The following RGS7 variants were observed in gnomAD, a reference collection of about 807,000 sequenced individuals.
RGS7 encodes the protein regulator of G protein signaling 7, also known as regulator of G-protein signaling 7.
Under a neutral mutation model 81.1 loss-of-function variants are expected in RGS7, and 27 were observed. The observed-to-expected ratio is 0.33, with a 90% confidence interval of 0.25 to 0.46. The LOEUF is 0.46. Ranked by LOEUF, RGS7 falls within the 20% of genes least tolerant of loss-of-function variation. The pLI is 1.00. For synonymous variants in RGS7, 208 were observed against 207.7 expected (o/e 1.00, Z -0.01); for missense variants, 396 against 607.4 (o/e 0.65, Z 3.66).
chr1:241,068,322 C>T (rs941365421), intron 3 of RGS7, among the ~76,000 whole-genome samples: 1 of 148,592 alleles, frequency 6.7e-6, no homozygotes, highest in Admixed American at 6.8e-5. Context: ...TTTAGTTGCA[C>T]TAAATAATCA....
At chr1:241,294,370 A>C (rs2079268049) in intron 2 of RGS7, among the ~76,000 whole-genome samples, 2 of 152,182 alleles carry the variant, frequency 1.3e-5, no homozygotes, top group Non-Finnish European at 2.9e-5. Context: ...GCAAACCACC[A>C]TGGCACATGT....
At chr1:241,184,770 A>C (rs1288345880) in intron 2 of RGS7, among the ~76,000 whole-genome samples, 1 of 152,228 alleles carries the variant, frequency 6.6e-6, no homozygotes, top group Non-Finnish European at 1.5e-5. Context: ...TCCAAAAAAA[A>C]ACCCCGAATT....
intron 6 of RGS7, among the ~76,000 whole-genome samples, chr1:240,903,958 CT>C (rs975812913): frequency 9.8e-5 from 15 of 152,320 alleles, no homozygotes; most frequent in African/African-American, 3.1e-4. Context: ...CTTGTACAGT[CT>C]GCAGAACTGT....
chr1:240,909,512 T>C (rs1009211170), intron 6 of RGS7, among the ~76,000 whole-genome samples: 4 of 152,182 alleles, frequency 2.6e-5, no homozygotes, highest in African/African-American at 7.2e-5. Context: ...TGGAATCTTT[T>C]ACCCTACCTA....
chr1:240,940,100 A>C (rs1241017700), intron 4 of RGS7, among the ~76,000 whole-genome samples: 1 of 152,012 alleles, frequency 6.6e-6, no homozygotes, highest in African/African-American at 2.4e-5. Context: ...ATTAAATTAA[A>C]TTAAGAAATA....
At chr1:240,990,495 C>T (rs1475001265) in intron 3 of RGS7, among the ~76,000 whole-genome samples, 1 of 152,162 alleles carries the variant, frequency 6.6e-6, no homozygotes, top group Non-Finnish European at 1.5e-5. Context: ...AAAACAGCTA[C>T]TCAAAGAAAC....
At chr1:240,879,703 A>G (rs1666061446) in intron 6 of RGS7, among the ~76,000 whole-genome samples, 1 of 152,310 alleles carries the variant, frequency 6.6e-6, no homozygotes, top group East Asian at 1.9e-4. Context: ...TTGAATTTTA[A>G]TCTCAGAAAC....
At chr1:240,841,503 G>C (rs1191302295) in intron 9 of RGS7, among the ~76,000 whole-genome samples, 3 of 152,146 alleles carry the variant, frequency 2.0e-5, no homozygotes, top group African/African-American at 7.2e-5. Context: ...GAAAAACCTG[G>C]ATTCAAGATA....
Position 241,070,794 on chromosome 1 carries a change from G to A in RGS7, c.175+27872C>T, listed in dbSNP as rs552874975. 1.6e-3 allele frequency among the ~76,000 whole-genome samples: 215 copies of A among 133,848 alleles called. 2 individuals are homozygous for A. The highest frequency in any genetic ancestry group is 5.5e-3 in the African/African-American group (199 of 36,432). 87.8% of individuals were successfully genotyped at this position (133,848 alleles called of 152,430 possible). On this transcript the variant is annotated intron_variant, in intron 3 of 18. Coordinates refer to ENST00000440928, the MANE Select transcript of RGS7 (RefSeq NM_001364886.1). ...GGCCACGTTTGGGTAGCCAGCCGTC[G>A]TCAAGTGCAATGTGGGAGGCGCCCT...
chr1:241,150,403 G>T (rs1229098262), intron 2 of RGS7, among the ~76,000 whole-genome samples: 1 of 151,906 alleles, frequency 6.6e-6, no homozygotes, highest in African/African-American at 2.4e-5. Context: ...TGTTTATCAG[G>T]ATTTGAAAAC....
At chr1:241,030,991 A>G (rs1433994045) in intron 3 of RGS7, among the ~76,000 whole-genome samples, 1 of 152,232 alleles carries the variant, frequency 6.6e-6, no homozygotes, top group Admixed American at 6.5e-5. Flanking sequence ...GTATAAATTT[A>G]GGGAGTACAA....
intron 2 of RGS7, among the ~76,000 whole-genome samples, chr1:241,229,999 C>A (rs1415705476): frequency 6.6e-6 from 1 of 152,112 alleles, no homozygotes; most frequent in Non-Finnish European, 1.5e-5. Flanking sequence ...CCACAGTCAG[C>A]TTCTGGCTAC....
Position 240,846,559 on chromosome 1 carries a change from A to AT in RGS7, c.610-19388dup, listed in dbSNP as rs561680816. ...TCATGCTAGGGCTTAACCTAGTTTT[A>AT]TTTTTTCCACCACCCTTTCCAAATT... is the stretch of plus-strand genomic sequence containing the variant. On this transcript the variant is annotated intron_variant, in intron 9 of 18. Transcript: ENST00000440928. 2.8e-3 allele frequency among the ~76,000 whole-genome samples: 433 copies of AT among 151,954 alleles called. 3 individuals are homozygous for AT. The highest frequency in any genetic ancestry group is 9.9e-3 in the African/African-American group (412 of 41,452).
intron 6 of RGS7, among the ~76,000 whole-genome samples, chr1:240,876,813 T>G (rs1413289388): frequency 6.6e-6 from 1 of 152,046 alleles, no homozygotes; most frequent in Non-Finnish European, 1.5e-5. Context: ...TACAAAAAAT[T>G]AGCTGGGCTT....
intron 4 of RGS7, among the ~76,000 whole-genome samples, chr1:240,947,865 C>T (rs1201394913): frequency 6.6e-6 from 1 of 152,236 alleles, no homozygotes; most frequent in African/African-American, 2.4e-5. Context: ...TCTCTGTCTT[C>T]CTTTCCTATT....
intron 9 of RGS7, among the ~76,000 whole-genome samples, chr1:240,829,796 C>A (rs752154674): frequency 3.3e-5 from 5 of 152,090 alleles, no homozygotes; most frequent in Non-Finnish European, 7.4e-5. Flanking sequence ...GATTCTGTCT[C>A]TCTCTGTCTT....
chr1:241,093,873 A>G (rs900763009), intron 3 of RGS7, among the ~76,000 whole-genome samples: 11 of 151,978 alleles, frequency 7.2e-5, no homozygotes, highest in Non-Finnish European at 1.5e-4. Flanking sequence ...TGTCCAATAC[A>G]TGTGCTATGG....
At chr1:241,292,804 T>C (rs956232646) in intron 2 of RGS7, among the ~76,000 whole-genome samples, 1 of 152,282 alleles carries the variant, frequency 6.6e-6, no homozygotes, top group South Asian at 2.1e-4. Context: ...AAGGAAACCA[T>C]GAGTCTTAAA....
chr1:241,343,982 A>G (rs2082728602), intron 2 of RGS7, among the ~76,000 whole-genome samples: 1 of 152,242 alleles, frequency 6.6e-6, no homozygotes, highest in African/African-American at 2.4e-5. Context: ...TCCAAGACAA[A>G]TAACAGAGTA....
Sources: gnomAD v4.1 joint callset for allele counts (sites outside exome capture counted in the v4.1 genomes callset) on GRCh38, gnomAD v4.1.1 for gene constraint, MANE v1.5 for transcripts, NCBI Gene and HGNC (gene_info 2026-07-23, HGNC 2026-07-21) for gene names.